SREK1IP1: variants seen among roughly 807,000 people sequenced by gnomAD.
SREK1IP1 encodes the protein SREK1 interacting protein 1.
In SREK1IP1, 12 loss-of-function variants were observed where a neutral mutation model predicts 22.8. The observed-to-expected ratio is 0.53, with a 90% CI of 0.34 to 0.85. The LOEUF (loss-of-function observed/expected upper bound fraction) is 0.85. Ranked by LOEUF, SREK1IP1 falls within the 40% of genes least tolerant of loss-of-function variation. The pLI is 0.02. For missense variants in SREK1IP1, 147 were observed against 171.8 expected (o/e 0.86, Z 0.81); for synonymous variants, 53 against 52.7 (o/e 1.01, Z -0.02).
chr5:64,720,293 A>G lies in SREK1IP1; in HGVS notation c.*4091T>C, dbSNP rs1464859413. The G allele has an allele frequency of 6.6e-6, 1 of 152,106 alleles. No individual in the cohort carries two copies. Among genetic ancestry groups the G allele is most frequent in the East Asian group, 1.9e-4 (1 of 5,194 alleles). 9.4% of individuals were successfully genotyped at this position (152,106 alleles called of 1,614,324 possible). A position where few individuals can be genotyped will look rare whatever the true frequency, so the allele number is the denominator to read the frequency against. ...ATCTAATAAAGAATACAGTAGCTTT[A>G]TGTGTTTTTAGATGATTTAGGTTAC... is the stretch of plus-strand genomic sequence containing the variant. On this transcript the variant is annotated 3_prime_UTR_variant, in exon 5 of 5. Transcript: ENST00000513458.
At chr5:64,727,877 A>C (rs1448132268) in intron 4 of SREK1IP1, 1 of 302,620 alleles carries the variant, frequency 3.3e-6, no homozygotes, top group Admixed American at 6.2e-5. Context: ...AATTCTATTA[A>C]TAAGTTAATT....
chr5:64,741,961 T>C (rs2112097706), intron 2 of SREK1IP1, among the ~76,000 whole-genome samples: 1 of 149,120 alleles, frequency 6.7e-6, no homozygotes, highest in Admixed American at 6.7e-5. Context: ...GTATCAACTT[T>C]TGGAACACTT....
At chr5:64,725,340 T>G (rs967006613) in intron 4 of SREK1IP1, among the ~76,000 whole-genome samples, 2 of 152,142 alleles carry the variant, frequency 1.3e-5, no homozygotes, top group Admixed American at 1.3e-4. Context: ...TAAAGAGATG[T>G]GCAACATTCT....
chr5:64,731,344 T>G (rs1742374703), intron 3 of SREK1IP1, among the ~76,000 whole-genome samples: 1 of 151,602 alleles, frequency 6.6e-6, no homozygotes, highest in Non-Finnish European at 1.5e-5. Context: ...TGACATCATG[T>G]CTTTATAAAA....
intron 3 of SREK1IP1, among the ~76,000 whole-genome samples, chr5:64,731,827 A>G (rs1416333361): frequency 3.3e-5 from 5 of 152,164 alleles, no homozygotes; most frequent in Non-Finnish European, 7.3e-5. Flanking sequence ...TCCAAGAACT[A>G]TTTTTAATGC....
intron 1 of SREK1IP1, among the ~76,000 whole-genome samples, chr5:64,760,131 G>A (rs1011604761): frequency 1.3e-5 from 2 of 152,106 alleles, no homozygotes; most frequent in Non-Finnish European, 2.9e-5. Context: ...GAAATAATGG[G>A]GATGGTTTTT....
At chr5:64,763,815 T>C (rs1271465165) in intron 1 of SREK1IP1, among the ~76,000 whole-genome samples, 3 of 152,176 alleles carry the variant, frequency 2.0e-5, no homozygotes, top group African/African-American at 7.2e-5. Context: ...GGCCACACTG[T>C]TTTGGGCCAC....
intron 2 of SREK1IP1, among the ~76,000 whole-genome samples, chr5:64,745,871 T>C (rs1334152678): frequency 6.6e-6 from 1 of 152,066 alleles, no homozygotes; most frequent in Admixed American, 6.6e-5. Context: ...AATAACTGTG[T>C]TGCAAATTAC....
chr5:64,738,254 C>T (rs900192777), intron 3 of SREK1IP1, among the ~76,000 whole-genome samples: 3 of 152,046 alleles, frequency 2.0e-5, no homozygotes, highest in Non-Finnish European at 4.4e-5. Context: ...CCATGGGACA[C>T]AAGGATGGCT....
intron 4 of SREK1IP1, among the ~76,000 whole-genome samples, chr5:64,726,399 C>A (rs1310523287): frequency 6.6e-6 from 1 of 151,654 alleles, no homozygotes; most frequent in Non-Finnish European, 1.5e-5. Context: ...CACGGTGAAA[C>A]CCTGTCTGTA....
intron 4 of SREK1IP1, chr5:64,727,528 T>C (rs1358287718): frequency 8.6e-6 from 1 of 115,702 alleles, no homozygotes; most frequent in African/African-American, 4.1e-5. Flanking sequence ...TGCATATAAT[T>C]ACATATATAT....
In SREK1IP1 at chr5:64,740,625, G is replaced by C. The variant is rs139820646; in HGVS notation, c.205+432C>G. ...AAATTATTAGTGAAGCTTGATACTG[G>C]CTAAGATCACTGATCTGCATGAGCA... On this transcript the variant is annotated intron_variant, in intron 3 of 4. Coordinates refer to ENST00000513458, the MANE Select transcript of SREK1IP1 (RefSeq NM_173829.4). Among the ~76,000 whole-genome samples, 355 of 152,194 alleles carry C rather than the reference G, an allele frequency of 2.3e-3. 1 individual carries two copies. Among genetic ancestry groups the C allele is most frequent in the African/African-American group, 7.5e-3 (310 of 41,544 alleles).
intron 3 of SREK1IP1, among the ~76,000 whole-genome samples, chr5:64,732,336 A>G (rs960452312): frequency 6.6e-6 from 1 of 152,222 alleles, no homozygotes; most frequent in Non-Finnish European, 1.5e-5. Context: ...TGACCTGACA[A>G]TTTACACAGA....
chr5:64,755,094 G>A (rs182389362), intron 1 of SREK1IP1, among the ~76,000 whole-genome samples: 1 of 152,116 alleles, frequency 6.6e-6, no homozygotes, highest in East Asian at 1.9e-4. Flanking sequence ...AAATGGTAAT[G>A]CTTATAGACT....
At chr5:64,746,898 G>A (rs1051063278) in intron 2 of SREK1IP1, among the ~76,000 whole-genome samples, 1 of 152,194 alleles carries the variant, frequency 6.6e-6, no homozygotes, top group Admixed American at 6.5e-5. Flanking sequence ...TATAAGGTCA[G>A]GGGGTTCCCA....
chr5:64,727,969 T>C (rs571494528), intron 4 of SREK1IP1, 138 bp downstream of exon 4: 1 of 835,242 alleles, frequency 1.2e-6, no homozygotes, highest in Non-Finnish European at 1.5e-6. Context: ...ATTAAGAGTT[T>C]AAACTTAAGC....
At chr5:64,763,394 G>A (rs141852299) in intron 1 of SREK1IP1, among the ~76,000 whole-genome samples, 2,032 of 151,988 alleles carry the variant, frequency 0.013, 36 homozygotes, top group African/African-American at 0.047. Context: ...AAAATTACCC[G>A]GGTATAGTGG....
chr5:64,737,179 T>C (rs893781309), intron 3 of SREK1IP1, among the ~76,000 whole-genome samples: 6 of 152,064 alleles, frequency 3.9e-5, no homozygotes, highest in Non-Finnish European at 7.4e-5. Context: ...GAACAGAGCA[T>C]GTTAGGTGAC....
chr5:64,728,152 T>C lies in SREK1IP1; in HGVS notation c.233A>G (p.Lys78Arg), dbSNP rs544817764. ...KRINEEEEKKKEKSKEKIKLK... is the reference protein window; with the variant it reads ...KRINEEEEKKREKSKEKIKLK... ...TTTGATTTTTTCTTTGCTTTTTTCT[T>C]TCTTCTTTTCCTCTTCTTCATTTAT... The change falls in exon 4 of 5, where the codon AAA (lysine) becomes AGA (arginine). Residue 78 changes from lysine (K) to arginine (R), a missense_variant. This residue lies in a region of SREK1IP1 where 82 missense variants were observed against 81.7 expected (regional missense o/e 1.00). Coordinates refer to ENST00000513458, the MANE Select transcript of SREK1IP1 (RefSeq NM_173829.4). 3 of 1,447,358 alleles carry C rather than the reference T, an allele frequency of 2.1e-6. 1 individual carries two copies. The African/African-American group carries it at 4.6e-5, about 22-fold the overall frequency. The allele number at this position is 1,447,358 out of a possible 1,614,324, so 89.7% of individuals were successfully genotyped here. A position where few individuals can be genotyped will look rare whatever the true frequency, so the allele number is the denominator to read the frequency against.
Sources: gnomAD v4.1 joint callset for allele counts (sites outside exome capture counted in the v4.1 genomes callset) on GRCh38, gnomAD v4.1.1 for gene constraint, gnomAD v4.1.1 regional missense constraint, MANE v1.5 for transcripts, NCBI Gene and HGNC (gene_info 2026-07-23, HGNC 2026-07-21) for gene names.